Variants in CNBD1 observed in about 807,000 individuals in gnomAD.
The protein encoded by CNBD1 is cyclic nucleotide binding domain containing 1, also known as cyclic nucleotide-binding domain-containing protein 1.
In CNBD1, 71 loss-of-function variants were observed where a neutral mutation model predicts 54.4. The ratio of observed to expected loss-of-function variants is 1.30; its 90% CI spans 1.08 to 1.59. CNBD1 has a LOEUF of 1.59. Among genes scored for constraint, CNBD1 ranks in the 40% most tolerant of loss-of-function variants. The pLI is 0.00. For missense variants in CNBD1, 659 were observed against 518.0 expected, an observed-to-expected ratio of 1.27 and a Z score of -2.64; for synonymous variants, 182 against 170.7, an observed-to-expected ratio of 1.07 and a Z score of -0.51.
In CNBD1 at chr8:86,907,467, A is replaced by C. The variant is rs184592668; in HGVS notation, c.272+2273A>C. Among the ~76,000 whole-genome samples, 268 of 152,264 alleles carry C rather than the reference A, an allele frequency of 1.8e-3. 1 individual carries two copies. The East Asian group carries it at 0.044, about 25-fold the overall frequency. On this transcript the variant is annotated intron_variant, in intron 3 of 10. Transcript: ENST00000518476. ...CAGATCACCTGAAGTTGGGAGTTTG[A>C]GACCATCCTGGCCAACATGGTGAAA...
chr8:87,179,622 C>A (rs374107110), intron 4 of CNBD1, among the ~76,000 whole-genome samples: 7 of 152,232 alleles, frequency 4.6e-5, no homozygotes, highest in African/African-American at 1.7e-4. Flanking sequence ...AGTCTTGGCA[C>A]GACCCAGAGT....
rs78653836 is a variant in CNBD1, at chr8:87,322,556, A to C, written c.1043-29129A>C. On this transcript the variant is annotated intron_variant, in intron 8 of 10. Coordinates refer to ENST00000518476, the MANE Select transcript of CNBD1 (RefSeq NM_173538.3). ...GATTTGCATTTCTCTGATGGCCAGT[A>C]ATGATGAGCATTTTTTCATGTGTTT... 1.6e-4 allele frequency among the ~76,000 whole-genome samples: 18 copies of C among 111,530 alleles called. 1 individual carries two copies. Among genetic ancestry groups the C allele is most frequent in the African/African-American group, 6.1e-4 (18 of 29,686 alleles). The allele number at this position is 111,530 out of a possible 152,430, so 73.2% of individuals were successfully genotyped here.
At chr8:87,318,361 A>G (rs1272511019) in intron 8 of CNBD1, among the ~76,000 whole-genome samples, 2 of 152,102 alleles carry the variant, frequency 1.3e-5, no homozygotes. Flanking sequence ...AGTACTCAGC[A>G]ACAATTTTAT....
At chr8:87,216,265 A>T (rs1050646066) in intron 5 of CNBD1, among the ~76,000 whole-genome samples, 1 of 152,204 alleles carries the variant, frequency 6.6e-6, no homozygotes, top group Non-Finnish European at 1.5e-5. Context: ...AAGAAATTTT[A>T]AAAATCCACT....
chr8:87,089,742 C>CT (rs1439391581), intron 4 of CNBD1, among the ~76,000 whole-genome samples: 1 of 151,864 alleles, frequency 6.6e-6, no homozygotes, highest in Non-Finnish European at 1.5e-5. Flanking sequence ...TTATACTTTA[C>CT]TTTTTTTTCT....
intron 4 of CNBD1, among the ~76,000 whole-genome samples, chr8:87,202,432 A>G (rs1813882909): frequency 6.6e-6 from 1 of 152,230 alleles, no homozygotes; most frequent in Admixed American, 6.5e-5. Flanking sequence ...AACGTGGAGC[A>G]GCAAGTATCA....
At chr8:86,902,687 A>G (rs57475970) in intron 2 of CNBD1, among the ~76,000 whole-genome samples, 14,077 of 151,906 alleles carry the variant, frequency 0.093, 939 homozygotes, top group African/African-American at 0.2. Flanking sequence ...GTAAGCTTCA[A>G]TGAAGTGGCA....
chr8:87,109,932 G>T (rs1449376162), intron 4 of CNBD1, among the ~76,000 whole-genome samples: 1 of 152,158 alleles, frequency 6.6e-6, no homozygotes, highest in African/African-American at 2.4e-5. Context: ...CCTGCAATTT[G>T]TTTATAGTTT....
chr8:87,264,928 A>G (rs187505747), intron 6 of CNBD1, among the ~76,000 whole-genome samples: 1 of 151,984 alleles, frequency 6.6e-6, no homozygotes, highest in African/African-American at 2.4e-5. Context: ...AGATTGCAAA[A>G]ATTTTCTCCC....
chr8:87,102,210 A>G (rs1343706267), intron 4 of CNBD1, among the ~76,000 whole-genome samples: 1 of 152,112 alleles, frequency 6.6e-6, no homozygotes, highest in Non-Finnish European at 1.5e-5. Flanking sequence ...GTTGATGGAC[A>G]TAACTGATTG....
At chr8:87,276,181 C>G (rs991369543) in intron 6 of CNBD1, among the ~76,000 whole-genome samples, 2 of 151,830 alleles carry the variant, frequency 1.3e-5, no homozygotes, top group Non-Finnish European at 2.9e-5. Context: ...AGTTGGCTTG[C>G]TTATCACCTA....
intron 5 of CNBD1, among the ~76,000 whole-genome samples, chr8:87,220,614 C>A (rs771280023): frequency 1.3e-5 from 2 of 151,652 alleles, no homozygotes; most frequent in Non-Finnish European, 1.5e-5. Context: ...CTTACCTCAG[C>A]TCAACATTCA....
intron 4 of CNBD1, among the ~76,000 whole-genome samples, chr8:87,131,029 A>C (rs1244205638): frequency 6.6e-6 from 1 of 152,008 alleles, no homozygotes; most frequent in African/African-American, 2.4e-5. Flanking sequence ...CCCGGTTTAC[A>C]TAATATGTAT....
chr8:86,959,725 C>A (rs1030342844), intron 4 of CNBD1, among the ~76,000 whole-genome samples: 1 of 152,080 alleles, frequency 6.6e-6, no homozygotes, highest in African/African-American at 2.4e-5. Flanking sequence ...CTTCTCTATG[C>A]TGTTTATTCT....
chr8:86,926,214 T>A (rs1199425768), intron 3 of CNBD1, among the ~76,000 whole-genome samples: 1 of 152,016 alleles, frequency 6.6e-6, no homozygotes, highest in African/African-American at 2.4e-5. Flanking sequence ...CCTCTCAATC[T>A]CCCCTCTCAA....
chr8:87,146,086 A>T (rs954084165), intron 4 of CNBD1, among the ~76,000 whole-genome samples: 1 of 152,138 alleles, frequency 6.6e-6, no homozygotes. Flanking sequence ...TTCAATATAA[A>T]TGGTGTTTAG....
chr8:87,244,643 C>T lies in CNBD1; in HGVS notation c.771+7531C>T, dbSNP rs1195835101. Among the ~76,000 whole-genome samples the T allele has an allele frequency of 2.6e-5, 4 of 152,104 alleles. No homozygotes were observed. The East Asian group carries it at 7.7e-4, about 29-fold the overall frequency. On this transcript the variant is annotated intron_variant, in intron 6 of 10. Transcript: ENST00000518476. ...CTTACTCATAGACATTTAAATGGTTCTTTGCTACTTCTAGATGTCCCCTGA... is the reference window on the plus strand; with the variant it reads ...CTTACTCATAGACATTTAAATGGTTTTTTGCTACTTCTAGATGTCCCCTGA...
At chr8:87,427,405 A>G (rs575553671) in intron 2 of CNBD1, among the ~76,000 whole-genome samples, 4 of 152,318 alleles carry the variant, frequency 2.6e-5, no homozygotes, top group Admixed American at 2.6e-4. Flanking sequence ...AGTAGGCTGT[A>G]TAAGATGGGC....
intron 8 of CNBD1, among the ~76,000 whole-genome samples, chr8:87,333,011 A>G (rs1052087214): frequency 6.6e-6 from 1 of 152,114 alleles, no homozygotes; most frequent in Non-Finnish European, 1.5e-5. Flanking sequence ...TGAGGATGGA[A>G]TGTTTCTCCA....
Sources: allele counts gnomAD v4.1 joint callset (sites outside exome capture counted in the v4.1 genomes callset), GRCh38; gene constraint gnomAD v4.1.1; transcripts MANE v1.5; gene names NCBI Gene and HGNC (gene_info 2026-07-23, HGNC 2026-07-21).